VAV2: variants seen among roughly 807,000 people sequenced by gnomAD.
The protein encoded by VAV2 is guanine nucleotide exchange factor VAV2.
Under a neutral mutation model 132.5 loss-of-function variants are expected in VAV2, and 67 were observed. The ratio of observed to expected loss-of-function variants is 0.51; its 90% CI spans 0.42 to 0.62. The LOEUF (loss-of-function observed/expected upper bound fraction) is 0.62, where lower values mean the gene tolerates loss of function less well. VAV2 is among the 20% of genes least tolerant of loss of function. VAV2 has a pLI of 0.00. For synonymous variants in VAV2, 492 were observed against 443.5 expected (o/e 1.11, Z -1.37); for missense variants, 938 against 1,153.6 (o/e 0.81, Z 2.71).
intron 22 of VAV2, among the ~76,000 whole-genome samples, chr9:133,778,354 G>A (rs377390875): frequency 3.9e-5 from 6 of 152,294 alleles, no homozygotes; most frequent in African/African-American, 1.4e-4. Flanking sequence ...AAGGTTGCTG[G>A]CCTGAACTGA....
Position 133,992,299 on chromosome 9 carries a change from G to T in VAV2, c.-21C>A, listed in dbSNP as rs1371480475. 7.0e-7 allele frequency: 1 copy of T among 1,425,528 alleles called. No homozygotes were observed. Among genetic ancestry groups the T allele is most frequent in the Non-Finnish European group, 9.3e-7 (1 of 1,079,492 alleles). 88.3% of individuals were successfully genotyped at this position (1,425,528 alleles called of 1,614,324 possible). ...TCCATGGCGCCCGCGGGCCCGACCG[G>T]CTCAGGGCAGTGCTCGAGCCAAAGT... On this transcript the variant is annotated 5_prime_UTR_variant, in exon 1 of 30. Transcript: ENST00000371850. The surrounding 1 kb of genome is among the most constrained non-coding windows in gnomAD (Gnocchi z 5.5).
At position 133,833,426 on chromosome 9, in the gene VAV2, G is replaced by A. The variant is rs761311845; in HGVS notation, c.449+846C>T. 4.6e-5 allele frequency among the ~76,000 whole-genome samples: 7 copies of A among 152,186 alleles called. No homozygotes were observed. Among genetic ancestry groups the A allele is most frequent in the Admixed American group, 2.0e-4 (3 of 15,292 alleles). On this transcript the variant is annotated intron_variant, in intron 4 of 29. Transcript: ENST00000371850. The surrounding 1 kb of genome is among the most constrained non-coding windows in gnomAD (Gnocchi z 5.6). ...CACTAAGAGTCTTCCAGAAGAAACC[G>A]TAGTTGAGCTAAGAACACACAAGCT...
At position 133,812,102 on chromosome 9, in the gene VAV2, G is replaced by A. The variant is rs745361251; in HGVS notation, c.552+12C>T. The A allele has an allele frequency of 6.2e-7, 1 of 1,613,004 alleles. No homozygotes were observed. Among genetic ancestry groups the A allele is most frequent in the Admixed American group, 1.7e-5 (1 of 60,014 alleles). On this transcript the variant is annotated intron_variant, in intron 5 of 29. Coordinates refer to ENST00000371850, the MANE Select transcript of VAV2 (RefSeq NM_001134398.2). ...GGGAGGGGAAGGGAGGGAGGAGCGG[G>A]GCAGGGCTCACCATGGGCTGCTGCA...
In VAV2 at chr9:133,919,827, C is replaced by T. The variant is rs115682931; in HGVS notation, c.321+19276G>A. ...TCCCCGCTGCCCCGACTGTCCCTGC[C>T]GCCCCGGCCACCCCTGCCTCACCCA... On this transcript the variant is annotated intron_variant, in intron 2 of 29. Coordinates refer to ENST00000371850, the MANE Select transcript of VAV2 (RefSeq NM_001134398.2). This position sits in a 1 kb window ranked among gnomAD's most constrained non-coding sequence, Gnocchi z 5.8. Among the ~76,000 whole-genome samples, 1,389 of 152,274 alleles carry T rather than the reference C, an allele frequency of 9.1e-3. 18 individuals are homozygous for T. The highest frequency in any genetic ancestry group is 0.031 in the African/African-American group (1,290 of 41,550).
chr9:133,873,092 GACA>G, intron 2 of VAV2, among the ~76,000 whole-genome samples: 1 of 133,440 alleles, frequency 7.5e-6, no homozygotes. Context: ...CAGCCTGGGC[GACA>G]GAGGGAGGGG....
At chr9:133,874,251 C>T (rs1838174550) in intron 2 of VAV2, among the ~76,000 whole-genome samples, 1 of 152,368 alleles carries the variant, frequency 6.6e-6, no homozygotes, top group East Asian at 1.9e-4. Context: ...GCAAGACTGG[C>T]TGGGCAGGCT....
chr9:133,796,843 CAGGTCCTTTGGAGA>C lies in VAV2; in HGVS notation c.937-333_937-320del, dbSNP rs535592524. Among the ~76,000 whole-genome samples the C allele has an allele frequency of 5.2e-4, 79 of 152,326 alleles. No homozygotes were observed. The South Asian group carries it at 0.013, about 24-fold the overall frequency. ...TGTGGCCTTGACTCTTCCGCCAGGC[CAGGTCCTTTGGAGA>C]AGGTCCTTTGGAGAAGGGGCAGCAG... On this transcript the variant is annotated intron_variant, in intron 10 of 29. Transcript: ENST00000371850.
At chr9:133,839,651 A>C (rs969525289) in intron 3 of VAV2, among the ~76,000 whole-genome samples, 29 of 152,078 alleles carry the variant, frequency 1.9e-4, no homozygotes, top group Admixed American at 5.2e-4. Context: ...GGGTTTCACT[A>C]TGGTGGCCAT....
chr9:133,985,226 T>TTGTGTGTG (rs59748267), intron 1 of VAV2, among the ~76,000 whole-genome samples: 8 of 137,244 alleles, frequency 5.8e-5, no homozygotes, highest in East Asian at 4.5e-4. Context: ...TCTTGCCTTA[T>TTGTGTGTG]TGTGTGTGTG....
rs146172583 is a variant in VAV2 at position 133,849,374 on chromosome 9, C to T, written c.380+12000G>A. ...GGAGTTCTCGTGGATGCCAGGGCTA[C>T]GTTAAGAAGCACTGGTTAGGGCTCG... On this transcript the variant is annotated intron_variant, in intron 3 of 29. Transcript: ENST00000371850. Among the ~76,000 whole-genome samples the T allele has an allele frequency of 8.4e-3, 1,274 of 152,254 alleles. 35 individuals are homozygous for T. Among genetic ancestry groups the T allele is most frequent in the Admixed American group, 0.053 (812 of 15,300 alleles).
In VAV2 at chr9:133,764,042, T is replaced by C. The variant is rs1833351167; in HGVS notation, c.*20A>G. The C allele has an allele frequency of 6.2e-7, 1 of 1,613,732 alleles. No homozygotes were observed. On this transcript the variant is annotated 3_prime_UTR_variant, in exon 30 of 30. Coordinates refer to ENST00000371850, the MANE Select transcript of VAV2 (RefSeq NM_001134398.2). The stretch of plus-strand genomic sequence containing the variant: ...TGACTCTCCCAAGAAAATCTGCGAG[T>C]CTTGTCCACGTTCCTGCCGTCACTG...
At chr9:133,771,700 T>G (rs1010407864) in intron 26 of VAV2, among the ~76,000 whole-genome samples, 1 of 152,212 alleles carries the variant, frequency 6.6e-6, no homozygotes, top group Admixed American at 6.5e-5. Context: ...GCTGGTGGCC[T>G]GGGCTGCCCC....
intron 16 of VAV2, 28 bp downstream of exon 16, chr9:133,787,218 T>A (rs373200435): frequency 1.3e-6 from 2 of 1,560,904 alleles, no homozygotes; most frequent in Non-Finnish European, 1.7e-6. Context: ...TTGAGGCAGG[T>A]GGGAGGACCT....
At chr9:133,967,411 A>G (rs148699822) in intron 1 of VAV2, among the ~76,000 whole-genome samples, 12 of 152,362 alleles carry the variant, frequency 7.9e-5, no homozygotes, top group African/African-American at 2.6e-4. Flanking sequence ...AGGCATGTAA[A>G]CAAAAGAAAG....
chr9:133,800,535 A>G (rs1834889928), intron 9 of VAV2, among the ~76,000 whole-genome samples: 1 of 152,148 alleles, frequency 6.6e-6, no homozygotes, highest in African/African-American at 2.4e-5. Context: ...ACCACTGCGG[A>G]CTCGGCTTCA....
At chr9:133,937,196 G>A (rs1213922030) in intron 2 of VAV2, among the ~76,000 whole-genome samples, 1 of 152,122 alleles carries the variant, frequency 6.6e-6, no homozygotes, top group African/African-American at 2.4e-5. Context: ...GTACATGTGA[G>A]ACTGTGTGTG....
At position 133,931,236 on chromosome 9, in the gene VAV2, G is replaced by A. The variant is rs142925244; in HGVS notation, c.321+7867C>T. Among the ~76,000 whole-genome samples the A allele has an allele frequency of 7.5e-3, 1,146 of 152,316 alleles. 20 individuals carry two copies. Among genetic ancestry groups the A allele is most frequent in the African/African-American group, 0.026 (1,077 of 41,570 alleles). On this transcript the variant is annotated intron_variant, in intron 2 of 29. Transcript: ENST00000371850. ...GCTGAGTAAGGGCCTGCAGGAGAGCGGGAAGGCACCAGCAGCTCTGGGGAG... is the reference window on the plus strand; with the variant it reads ...GCTGAGTAAGGGCCTGCAGGAGAGCAGGAAGGCACCAGCAGCTCTGGGGAG...
At chr9:133,952,229 G>A (rs526581) in intron 1 of VAV2, among the ~76,000 whole-genome samples, 58,357 of 151,870 alleles carry the variant, frequency 0.38, 11,468 homozygotes, top group Non-Finnish European at 0.42. Context: ...TGGGCCCCAA[G>A]GAGACAGGTC....
chr9:133,871,467 CGGATGGATGGATGGATGGATGGATGGAT>C (rs149156422), intron 2 of VAV2, among the ~76,000 whole-genome samples: 1 of 141,012 alleles, frequency 7.1e-6, no homozygotes. Context: ...GATGGAGAAG[CGGATGGATGGATGGATGGATGGATGGAT>C]GGATGGATGG....
Sources: gnomAD v4.1 joint callset for allele counts (sites outside exome capture counted in the v4.1 genomes callset) on GRCh38, gnomAD v4.1.1 for gene constraint, Gnocchi (gnomAD v3.1) non-coding constraint, MANE v1.5 for transcripts, NCBI Gene and HGNC (gene_info 2026-07-23, HGNC 2026-07-21) for gene names.